Variants in FSTL5 observed in about 807,000 individuals in gnomAD.
FSTL5 encodes follistatin like 5.
In FSTL5, 62 loss-of-function variants were observed where a neutral mutation model predicts 89.1. The observed-to-expected ratio is 0.70, with a 90% CI of 0.57 to 0.86. The LOEUF (loss-of-function observed/expected upper bound fraction) is 0.86, where lower values mean the gene tolerates loss of function less well. FSTL5 is among the 40% of genes least tolerant of loss of function. FSTL5 has a pLI of 0.00. For synonymous variants in FSTL5, 383 were observed against 346.2 expected (o/e 1.11, Z -1.18); for missense variants, 1,057 against 1,001.6 (o/e 1.06, Z -0.75).
At chr4:162,048,680 G>A (rs1160976639) in intron 2 of FSTL5, among the ~76,000 whole-genome samples, 1 of 151,944 alleles carries the variant, frequency 6.6e-6, no homozygotes, top group African/African-American at 2.4e-5. Context: ...CAGAGCTTTT[G>A]TTGATTTCAA....
chr4:161,745,895 C>T (rs576440608), intron 6 of FSTL5, among the ~76,000 whole-genome samples: 2 of 152,162 alleles, frequency 1.3e-5, no homozygotes, highest in South Asian at 4.1e-4. Flanking sequence ...TGACTACAGG[C>T]TCGAATATTT....
At chr4:161,992,130 C>T (rs181317612) in intron 3 of FSTL5, among the ~76,000 whole-genome samples, 8 of 152,230 alleles carry the variant, frequency 5.3e-5, no homozygotes, top group Non-Finnish European at 7.4e-5. Context: ...CAGAATCTTG[C>T]CAGTGATTTT....
intron 7 of FSTL5, among the ~76,000 whole-genome samples, chr4:161,653,487 T>C (rs553459305): frequency 4.9e-4 from 74 of 152,282 alleles, no homozygotes; most frequent in African/African-American, 1.5e-3. Flanking sequence ...AGTAAGATTT[T>C]TGATTTCCAA....
At chr4:161,538,718 TA>T (rs1445035459) in intron 9 of FSTL5, among the ~76,000 whole-genome samples, 1 of 152,168 alleles carries the variant, frequency 6.6e-6, no homozygotes, top group Non-Finnish European at 1.5e-5. Context: ...ATAGAGTAAT[TA>T]ATTGAGCTAA....
chr4:161,566,100 C>CTACA lies in FSTL5; in HGVS notation c.1015+21354_1015+21355insTGTA, dbSNP rs1732796261. Among the ~76,000 whole-genome samples, 4 of 54,058 alleles carry CTACA rather than the reference C, an allele frequency of 7.4e-5. 1 individual carries two copies. Among genetic ancestry groups the CTACA allele is most frequent in the Non-Finnish European group, 7.0e-5 (2 of 28,382 alleles). 35.5% of individuals were successfully genotyped at this position (54,058 alleles called of 152,430 possible). A position where few individuals can be genotyped will look rare whatever the true frequency, so the allele number is the denominator to read the frequency against. Reference sequence around the variant, plus strand: ...TATTGTTTTTTTCTTTTTTTTTGGACTATATATATATATATATATATATAT... The same window carrying CTACA: ...TATTGTTTTTTTCTTTTTTTTTGGACTACATATATATATATATATATATATATAT... On this transcript the variant is annotated intron_variant, in intron 8 of 15. Transcript: ENST00000306100.
intron 6 of FSTL5, among the ~76,000 whole-genome samples, chr4:161,664,132 T>C (rs1302305494): frequency 6.6e-6 from 1 of 152,176 alleles, no homozygotes; most frequent in Non-Finnish European, 1.5e-5. Context: ...CGGGCTGCGG[T>C]GAAGGTCTCT....
At chr4:161,885,111 G>A (rs763473248) in intron 4 of FSTL5, among the ~76,000 whole-genome samples, 1 of 152,042 alleles carries the variant, frequency 6.6e-6, no homozygotes, top group African/African-American at 2.4e-5. Flanking sequence ...CTTGAAGGGT[G>A]TAGAGTAGTC....
At chr4:161,830,611 T>C (rs1730814115) in intron 4 of FSTL5, among the ~76,000 whole-genome samples, 1 of 152,014 alleles carries the variant, frequency 6.6e-6, no homozygotes, top group Admixed American at 6.6e-5. Flanking sequence ...GTATATACCA[T>C]AAGTATATAT....
chr4:161,585,835 G>C (rs913205800), intron 8 of FSTL5, among the ~76,000 whole-genome samples: 1 of 152,102 alleles, frequency 6.6e-6, no homozygotes, highest in Non-Finnish European at 1.5e-5. Flanking sequence ...TGTATCAGCA[G>C]GTACAATTAC....
chr4:161,944,028 T>C (rs928532093), intron 3 of FSTL5, among the ~76,000 whole-genome samples: 5 of 152,184 alleles, frequency 3.3e-5, no homozygotes, highest in African/African-American at 1.2e-4. Flanking sequence ...TGCAGGGTTC[T>C]AAAATAATTT....
At chr4:161,432,366 A>G (rs1732407566) in intron 15 of FSTL5, among the ~76,000 whole-genome samples, 1 of 152,152 alleles carries the variant, frequency 6.6e-6, no homozygotes, top group Admixed American at 6.5e-5. Flanking sequence ...CAGCGAGTCA[A>G]TGAAGAAATT....
rs147915592 is a variant in FSTL5, at chr4:162,059,719, T to C, written c.127-26061A>G. On this transcript the variant is annotated intron_variant, in intron 2 of 15. Coordinates refer to ENST00000306100, the MANE Select transcript of FSTL5 (RefSeq NM_020116.5). ...TATAAATAGCATAATCTATAACTCA[T>C]ACAAATGAGAAAGAGTTATGTTTAT... 7.8e-4 allele frequency among the ~76,000 whole-genome samples: 118 copies of C among 152,200 alleles called. No homozygotes were observed. The Middle Eastern group carries it at 0.017, about 22-fold the overall frequency.
At chr4:162,093,422 A>G (rs1226180363) in intron 2 of FSTL5, among the ~76,000 whole-genome samples, 1 of 152,138 alleles carries the variant, frequency 6.6e-6, no homozygotes, top group Non-Finnish European at 1.5e-5. Context: ...CATAATCTCT[A>G]CCAGAAGGAA....
chr4:161,738,361 T>C (rs942334225), intron 6 of FSTL5, among the ~76,000 whole-genome samples: 1 of 152,032 alleles, frequency 6.6e-6, no homozygotes, highest in African/African-American at 2.4e-5. Flanking sequence ...ATGATTTAGC[T>C]CAATAATTGT....
intron 1 of FSTL5, among the ~76,000 whole-genome samples, chr4:162,134,250 G>T (rs1321453693): frequency 1.3e-5 from 2 of 152,132 alleles, no homozygotes; most frequent in South Asian, 2.1e-4. Context: ...GGTATCTCAG[G>T]CCATGGAGGC....
Position 161,775,577 on chromosome 4 carries a change from T to G in FSTL5, c.606+301A>C, listed in dbSNP as rs568966245. ...ACATTGCATGATCTCCAGAATACAT[T>G]AGGAAAGATATTATAAATTCTACAA... On this transcript the variant is annotated intron_variant, in intron 5 of 15. Transcript: ENST00000306100. Among the ~76,000 whole-genome samples, 27 of 152,200 alleles carry G rather than the reference T, an allele frequency of 1.8e-4. No homozygotes were observed. In the South Asian group the frequency reaches 4.4e-3, roughly 25 times the overall value.
In FSTL5 at chr4:161,966,877, A is replaced by G. The variant is rs541727027; in HGVS notation, c.161-46225T>C. Among the ~76,000 whole-genome samples the G allele has an allele frequency of 2.8e-4, 43 of 152,156 alleles. 2 individuals carry two copies. The East Asian group carries it at 8.0e-3, about 28-fold the overall frequency. ...CTTGCCCTCATGATTCTACTTGGGT[A>G]TATCTATTCCATCTTTCTCAAATCA... On this transcript the variant is annotated intron_variant, in intron 3 of 15. Coordinates refer to ENST00000306100, the MANE Select transcript of FSTL5 (RefSeq NM_020116.5).
intron 5 of FSTL5, among the ~76,000 whole-genome samples, chr4:161,763,059 TA>T (rs1740862807): frequency 1.3e-5 from 2 of 152,120 alleles, no homozygotes; most frequent in African/African-American, 2.4e-5. Flanking sequence ...AAACAAACAA[TA>T]AAAAAACTTG....
intron 2 of FSTL5, among the ~76,000 whole-genome samples, chr4:162,086,935 T>A (rs2111347189): frequency 6.6e-6 from 1 of 152,238 alleles, no homozygotes; most frequent in African/African-American, 2.4e-5. Flanking sequence ...ATCTTGTGAA[T>A]ATCAATATGA....
Sources: allele counts gnomAD v4.1 joint callset (sites outside exome capture counted in the v4.1 genomes callset), GRCh38; gene constraint gnomAD v4.1.1; transcripts MANE v1.5; gene names NCBI Gene and HGNC (gene_info 2026-07-23, HGNC 2026-07-21).